GALNTL6: variants seen among roughly 807,000 people sequenced by gnomAD.
The protein encoded by GALNTL6 is polypeptide N-acetylgalactosaminyltransferase-like 6.
GALNTL6 carries 46 observed loss-of-function variants against 73.7 expected under a neutral mutation model. That is an observed-to-expected ratio of 0.62 (90% CI 0.49 to 0.80). GALNTL6 has a LOEUF of 0.80. GALNTL6 is among the 30% of genes least tolerant of loss of function. The probability of loss-of-function intolerance (pLI) is 0.00; values close to 1 mark genes in which losing one functional copy is unlikely to be tolerated. For synonymous variants in GALNTL6, 259 were observed against 263.7 expected (o/e 0.98, Z 0.17); for missense variants, 604 against 755.0 (o/e 0.80, Z 2.34).
intron 8 of GALNTL6, among the ~76,000 whole-genome samples, chr4:172,917,355 A>G (rs1747577005): frequency 6.6e-6 from 1 of 152,226 alleles, no homozygotes; most frequent in Non-Finnish European, 1.5e-5. Context: ...CTTCATGATT[A>G]AAACACCAAA....
Position 172,809,271 on chromosome 4 carries a change from C to T in GALNTL6, c.554-90C>T. 1 of 1,004,112 alleles carries T rather than the reference C, an allele frequency of 1.0e-6. No homozygotes were observed. Among genetic ancestry groups the T allele is most frequent in the South Asian group, 1.5e-5 (1 of 67,020 alleles). 62.2% of individuals were successfully genotyped at this position (1,004,112 alleles called of 1,614,324 possible). The stretch of plus-strand genomic sequence containing the variant: ...GAATGTTACCCCAGGATTCATCAGT[C>T]ACATACTCTCTATGCACAAACAACC... On this transcript the variant is annotated intron_variant, in intron 5 of 12. Transcript: ENST00000506823. This position sits in a 1 kb window ranked among gnomAD's most constrained non-coding sequence, Gnocchi z 4.4.
intron 5 of GALNTL6, among the ~76,000 whole-genome samples, chr4:172,685,410 C>T (rs1732859978): frequency 6.6e-6 from 1 of 151,980 alleles, no homozygotes; most frequent in South Asian, 2.1e-4. Context: ...AAAATGTATC[C>T]CCTTTTTAGC....
chr4:171,879,823 T>A (rs2110909312), intron 2 of GALNTL6, among the ~76,000 whole-genome samples: 1 of 152,332 alleles, frequency 6.6e-6, no homozygotes, highest in African/African-American at 2.4e-5. Flanking sequence ...TTTGGCAGCC[T>A]AGAAGACAAC....
intron 5 of GALNTL6, among the ~76,000 whole-genome samples, chr4:172,436,286 A>G (rs1292680188): frequency 1.3e-5 from 2 of 152,152 alleles, no homozygotes; most frequent in Non-Finnish European, 2.9e-5. Context: ...TGACATAGTC[A>G]AAACCCTTTA....
chr4:171,877,663 T>C (rs1736316926), intron 2 of GALNTL6, among the ~76,000 whole-genome samples: 1 of 152,092 alleles, frequency 6.6e-6, no homozygotes, highest in Admixed American at 6.6e-5. Flanking sequence ...ACCCACTAAG[T>C]CTTAACTAAG....
chr4:172,453,391 A>G (rs925121720), intron 5 of GALNTL6, among the ~76,000 whole-genome samples: 4 of 152,212 alleles, frequency 2.6e-5, no homozygotes, highest in African/African-American at 9.6e-5. Flanking sequence ...AAAAAGTATT[A>G]TGCTTGAAAT....
At chr4:171,913,450 T>C (rs1737528717) in intron 2 of GALNTL6, among the ~76,000 whole-genome samples, 1 of 152,250 alleles carries the variant, frequency 6.6e-6, no homozygotes, top group Non-Finnish European at 1.5e-5. Context: ...CTGGATTCCC[T>C]TTATTTTACA....
At chr4:172,824,012 A>G (rs1406060136) in intron 7 of GALNTL6, among the ~76,000 whole-genome samples, 1 of 152,086 alleles carries the variant, frequency 6.6e-6, no homozygotes, top group Admixed American at 6.6e-5. Context: ...CCAAAAATCC[A>G]TGCTCGAGAG....
chr4:172,405,549 T>C (rs1744211040), intron 5 of GALNTL6, among the ~76,000 whole-genome samples: 1 of 151,150 alleles, frequency 6.6e-6, no homozygotes, highest in South Asian at 2.1e-4. Context: ...CATATAACCA[T>C]GTTATCTCAC....
At chr4:172,310,822 T>C (rs1740328592) in intron 3 of GALNTL6, among the ~76,000 whole-genome samples, 1 of 151,650 alleles carries the variant, frequency 6.6e-6, no homozygotes, top group South Asian at 2.1e-4. Flanking sequence ...AGTAAAATCA[T>C]CTGGATGGAA....
At chr4:172,198,406 A>C (rs1735847064) in intron 2 of GALNTL6, among the ~76,000 whole-genome samples, 1 of 151,958 alleles carries the variant, frequency 6.6e-6, no homozygotes, top group Admixed American at 6.6e-5. Context: ...AAATTAAACA[A>C]ATTTACAAGA....
intron 4 of GALNTL6, among the ~76,000 whole-genome samples, chr4:172,327,601 G>A (rs910325517): frequency 6.6e-6 from 1 of 152,018 alleles, no homozygotes; most frequent in African/African-American, 2.4e-5. Context: ...ATATATTTGG[G>A]ATACTTGGTT....
chr4:172,814,345 A>AT (rs1287147148), intron 7 of GALNTL6, among the ~76,000 whole-genome samples: 1 of 152,152 alleles, frequency 6.6e-6, no homozygotes, highest in Non-Finnish European at 1.5e-5. Context: ...ACCAAACGAC[A>AT]TCCTGTTTTT....
At chr4:172,088,699 A>T (rs565950526) in intron 2 of GALNTL6, among the ~76,000 whole-genome samples, 26 of 152,278 alleles carry the variant, frequency 1.7e-4, no homozygotes, top group Non-Finnish European at 2.9e-4. Context: ...TGGTTAATGA[A>T]ATTTCAGAGA....
intron 8 of GALNTL6, among the ~76,000 whole-genome samples, chr4:172,888,085 T>C (rs1298402910): frequency 6.6e-6 from 1 of 152,230 alleles, no homozygotes; most frequent in Non-Finnish European, 1.5e-5. Flanking sequence ...TTCGAGATAT[T>C]AGACCTTTGT....
At chr4:172,213,804 G>A (rs1049339511) in intron 2 of GALNTL6, among the ~76,000 whole-genome samples, 2 of 152,000 alleles carry the variant, frequency 1.3e-5, no homozygotes, top group Admixed American at 6.6e-5. Context: ...TTTAAATAAA[G>A]ACTTACATAG....
chr4:172,084,346 AT>A (rs1426498664), intron 2 of GALNTL6, among the ~76,000 whole-genome samples: 5 of 152,146 alleles, frequency 3.3e-5, no homozygotes, highest in Non-Finnish European at 7.4e-5. Flanking sequence ...GAAACGAAGA[AT>A]TTTTAAATTT....
intron 2 of GALNTL6, among the ~76,000 whole-genome samples, chr4:171,938,399 G>A (rs1386093410): frequency 6.6e-6 from 1 of 151,954 alleles, no homozygotes; most frequent in Non-Finnish European, 1.5e-5. Context: ...CCATTTCTTT[G>A]TGTAGCATTT....
chr4:171,871,026 G>C (rs772147107), intron 2 of GALNTL6, among the ~76,000 whole-genome samples: 2 of 152,076 alleles, frequency 1.3e-5, no homozygotes, highest in Non-Finnish European at 2.9e-5. Flanking sequence ...GATGAAGGAA[G>C]ATCATTACAC....
Sources: allele counts gnomAD v4.1 joint callset (sites outside exome capture counted in the v4.1 genomes callset), GRCh38; gene constraint gnomAD v4.1.1; non-coding constraint Gnocchi (gnomAD v3.1); transcripts MANE v1.5; gene names NCBI Gene and HGNC (gene_info 2026-07-23, HGNC 2026-07-21).